Variants in ADGRL2 observed in about 807,000 individuals in gnomAD.
The protein encoded by ADGRL2 is adhesion G protein-coupled receptor L2.
In ADGRL2, 44 loss-of-function variants were observed where a neutral mutation model predicts 157.4. The observed-to-expected ratio is 0.28, with a 90% CI of 0.22 to 0.36. The LOEUF (loss-of-function observed/expected upper bound fraction) is 0.36, where lower values mean the gene tolerates loss of function less well. Ranked by LOEUF, ADGRL2 falls within the 10% of genes least tolerant of loss-of-function variation. The probability of loss-of-function intolerance (pLI) is 1.00; values close to 1 mark genes in which losing one functional copy is unlikely to be tolerated. For synonymous variants in ADGRL2, 585 were observed against 624.7 expected, an observed-to-expected ratio of 0.94 and a Z score of 0.95; for missense variants, 1,510 against 1,768.9, an observed-to-expected ratio of 0.85 and a Z score of 2.63.
At chr1:81,616,654 T>C (rs535220003) in intron 3 of ADGRL2, among the ~76,000 whole-genome samples, 2,066 of 104,680 alleles carry the variant, frequency 0.02, 67 homozygotes, top group African/African-American at 0.064. Context: ...GGGTTTTTTT[T>C]TTTTCTTTTC....
At chr1:81,805,640 A>T (rs1176453794) in intron 1 of ADGRL2, among the ~76,000 whole-genome samples, 2 of 148,426 alleles carry the variant, frequency 1.3e-5, no homozygotes, top group African/African-American at 2.5e-5. Context: ...TGCCATTGAG[A>T]TTGTATATCA....
intron 2 of ADGRL2, among the ~76,000 whole-genome samples, chr1:81,543,877 G>A (rs978727726): frequency 5.9e-5 from 9 of 152,034 alleles, no homozygotes; most frequent in African/African-American, 1.9e-4. Context: ...AACTTCATAC[G>A]TCTGTTGAAA....
At chr1:81,383,677 A>AT (rs1177961730) in intron 1 of ADGRL2, among the ~76,000 whole-genome samples, 1 of 144,892 alleles carries the variant, frequency 6.9e-6, no homozygotes, top group East Asian at 2.0e-4. Context: ...AAAAAAAAAA[A>AT]GAAGGCCGGG....
intron 1 of ADGRL2, among the ~76,000 whole-genome samples, chr1:81,310,629 C>T (rs1659682961): frequency 6.6e-6 from 1 of 152,182 alleles, no homozygotes; most frequent in South Asian, 2.1e-4. Context: ...TATCTGCTGG[C>T]AGGCAGAAAG....
intron 1 of ADGRL2, among the ~76,000 whole-genome samples, chr1:81,320,074 T>G (rs1660399975): frequency 6.6e-6 from 1 of 152,214 alleles, no homozygotes; most frequent in Admixed American, 6.5e-5. Flanking sequence ...TTCCAAATCC[T>G]TTGTTGTCAT....
chr1:81,574,583 T>C (rs1174955320), intron 2 of ADGRL2, among the ~76,000 whole-genome samples: 1 of 152,178 alleles, frequency 6.6e-6, no homozygotes, highest in Non-Finnish European at 1.5e-5. Flanking sequence ...GGCATTCAGC[T>C]GCTGAGTGCT....
At chr1:81,361,192 T>C (rs967663661) in intron 1 of ADGRL2, among the ~76,000 whole-genome samples, 3 of 151,958 alleles carry the variant, frequency 2.0e-5, no homozygotes, top group African/African-American at 4.8e-5. Context: ...ATTCTCACAG[T>C]ATGTATTATT....
At chr1:81,419,017 A>G (rs2077080658) in intron 1 of ADGRL2, among the ~76,000 whole-genome samples, 1 of 152,154 alleles carries the variant, frequency 6.6e-6, no homozygotes, top group Non-Finnish European at 1.5e-5. Flanking sequence ...GAGGAGGCTA[A>G]GAATCCAGGA....
intron 2 of ADGRL2, among the ~76,000 whole-genome samples, chr1:81,784,619 TC>T (rs1179648995): frequency 6.6e-6 from 1 of 151,394 alleles, no homozygotes; most frequent in Non-Finnish European, 1.5e-5. Context: ...TCCCAGCTAT[TC>T]CGGAGGCTGA....
intron 1 of ADGRL2, among the ~76,000 whole-genome samples, chr1:81,706,433 C>T (rs891668307): frequency 6.6e-6 from 1 of 151,898 alleles, no homozygotes; most frequent in African/African-American, 2.4e-5. Context: ...GGGAAGATAT[C>T]GAATCCAATT....
At chr1:81,876,235 A>G (rs2093838176) in intron 2 of ADGRL2, among the ~76,000 whole-genome samples, 1 of 152,116 alleles carries the variant, frequency 6.6e-6, no homozygotes, top group Non-Finnish European at 1.5e-5. Flanking sequence ...GTTTTATTAT[A>G]TGCTTTGAAT....
intron 1 of ADGRL2, among the ~76,000 whole-genome samples, chr1:81,749,615 T>C (rs2085423360): frequency 6.6e-6 from 1 of 152,226 alleles, no homozygotes; most frequent in Non-Finnish European, 1.5e-5. Flanking sequence ...GTTAAATGAA[T>C]ACATAAACTA....
At chr1:81,387,821 C>T (rs1310088790) in intron 1 of ADGRL2, among the ~76,000 whole-genome samples, 1 of 152,118 alleles carries the variant, frequency 6.6e-6, no homozygotes, top group Non-Finnish European at 1.5e-5. Flanking sequence ...GTCCTTTTCT[C>T]TTCCAGTAAT....
intron 3 of ADGRL2, among the ~76,000 whole-genome samples, chr1:81,667,486 A>G (rs1281432237): frequency 6.6e-6 from 1 of 152,204 alleles, no homozygotes. Context: ...ATAGTGCTAC[A>G]TAACAGCTAT....
chr1:81,982,689 GT>G (rs1662008556), intron 19 of ADGRL2, among the ~76,000 whole-genome samples: 1 of 151,940 alleles, frequency 6.6e-6, no homozygotes, highest in South Asian at 2.1e-4. Context: ...AATTGTGGAA[GT>G]GAAAGCTATT....
intron 1 of ADGRL2, among the ~76,000 whole-genome samples, chr1:81,353,465 A>G (rs1663058396): frequency 6.6e-6 from 1 of 152,166 alleles, no homozygotes; most frequent in African/African-American, 2.4e-5. Flanking sequence ...CAGAACCTAG[A>G]AAAGATGCAG....
chr1:81,526,176 G>A (rs907647561), intron 2 of ADGRL2, among the ~76,000 whole-genome samples: 4 of 152,118 alleles, frequency 2.6e-5, no homozygotes, highest in African/African-American at 4.8e-5. Flanking sequence ...ATCATATAGT[G>A]CATTTCATTT....
chr1:81,638,277 G>A (rs1374691591), intron 3 of ADGRL2, among the ~76,000 whole-genome samples: 3 of 152,126 alleles, frequency 2.0e-5, no homozygotes, highest in Non-Finnish European at 4.4e-5. Context: ...GCCTTGCAAG[G>A]AATGTTCTTT....
intron 2 of ADGRL2, among the ~76,000 whole-genome samples, chr1:81,891,611 T>C (rs2094266470): frequency 6.6e-6 from 1 of 152,178 alleles, no homozygotes; most frequent in Admixed American, 6.5e-5. Context: ...TATTTCATTT[T>C]CCCTTTCCAT....
Sources: allele counts gnomAD v4.1 joint callset (sites outside exome capture counted in the v4.1 genomes callset), GRCh38; gene constraint gnomAD v4.1.1; transcripts MANE v1.5; gene names NCBI Gene and HGNC (gene_info 2026-07-23, HGNC 2026-07-21).